GRM6: variants seen among roughly 807,000 people sequenced by gnomAD.
GRM6 encodes metabotropic glutamate receptor 6.
GRM6 carries 73 observed loss-of-function variants against 78.4 expected under a neutral mutation model. The ratio of observed to expected loss-of-function variants is 0.93; its 90% confidence interval spans 0.77 to 1.13. GRM6 has a LOEUF of 1.13. Among genes scored for constraint, GRM6 ranks in the 50% most tolerant of loss-of-function variants. The probability of loss-of-function intolerance (pLI) is 0.00; values close to 1 mark genes in which losing one functional copy is unlikely to be tolerated. For missense variants in GRM6, 1,251 were observed against 1,256.4 expected (o/e 1.00, Z 0.07); for synonymous variants, 580 against 555.0 (o/e 1.05, Z -0.63).
At chr5:178,985,576 G>T (rs368592829) in intron 9 of GRM6, 5 of 338,686 alleles carry the variant, frequency 1.5e-5, no homozygotes, top group Non-Finnish European at 2.3e-5. Context: ...GGTGGCGGGC[G>T]CCTGTAGTCC....
At position 178,981,617 on chromosome 5, in the gene GRM6, A is replaced by G. The variant is rs1297080272; in HGVS notation, c.*40T>C. The G allele has an allele frequency of 6.7e-7, 1 of 1,491,452 alleles. No individual in the cohort carries two copies. The highest frequency in any genetic ancestry group is 1.7e-5 in the Admixed American group (1 of 59,666). 92.4% of individuals were successfully genotyped at this position (1,491,452 alleles called of 1,614,324 possible). ...GCTTCCACCTCGAGGCAAGAGGAAG[A>G]AAGGAGAGGCAGCAAGCAGTCCCGT... On this transcript the variant is annotated 3_prime_UTR_variant, in exon 11 of 11. Coordinates refer to ENST00000517717, the MANE Select transcript of GRM6 (RefSeq NM_000843.4). This position sits in a 1 kb window ranked among gnomAD's most constrained non-coding sequence, Gnocchi z 5.1.
rs949873745 is a variant in GRM6, at chr5:178,981,514, C to T, written c.*143G>A. Reference sequence around the variant, plus strand: ...AGCTGGGTCCAGTTCCTTCTCAAGGCCAGCCCCACCGACGCGGAGCATGGT... The same window carrying T: ...AGCTGGGTCCAGTTCCTTCTCAAGGTCAGCCCCACCGACGCGGAGCATGGT... On this transcript the variant is annotated 3_prime_UTR_variant, in exon 11 of 11. Coordinates refer to ENST00000517717, the MANE Select transcript of GRM6 (RefSeq NM_000843.4). The surrounding 1 kb of genome is among the most constrained non-coding windows in gnomAD (Gnocchi z 5.1). 1 of 650,456 alleles carries T rather than the reference C, an allele frequency of 1.5e-6. No homozygotes were observed. Among genetic ancestry groups the T allele is most frequent in the African/African-American group, 1.8e-5 (1 of 55,172 alleles). 40.3% of individuals were successfully genotyped at this position (650,456 alleles called of 1,614,324 possible).
At position 178,983,143 on chromosome 5, in the gene GRM6, G is replaced by T. The variant is rs375886848; in HGVS notation, c.2203C>A (p.Pro735Thr). 77 of 1,613,872 alleles carry T rather than the reference G, an allele frequency of 4.8e-5. No individual in the cohort carries two copies. The highest frequency in any genetic ancestry group is 6.4e-5 in the Non-Finnish European group (76 of 1,180,000). Residue 735 changes from proline to threonine, a missense_variant, in exon 10 of 11, where the codon CCC (proline) becomes ACC (threonine). Transcript: ENST00000517717. The part of the protein sequence containing the change: ...IDYEEQRTVD[P>T]EQARGVLKCD... ...TTGAGCACCCCTCTGGCCTGCTCGG[G>T]GTCCACCGTCCGCTGTTCCTCATAG...
In GRM6 at chr5:178,992,101, C is replaced by G; in HGVS notation, c.505-18G>C. On this transcript the variant is annotated intron_variant, in intron 2 of 10. Transcript: ENST00000517717. This position sits in a 1 kb window ranked among gnomAD's most constrained non-coding sequence, Gnocchi z 4.9. ...TGGGGTATCTGTGGGGCAGGAAGGA[C>G]AGCTGGGCTGTGGATGGAGGTCAGT... The G allele has an allele frequency of 6.3e-7, 1 of 1,588,924 alleles. No individual in the cohort carries two copies. The highest frequency in any genetic ancestry group is 1.1e-5 in the South Asian group (1 of 90,458).
chr5:178,985,539 T>A, intron 9 of GRM6: 1 of 337,364 alleles, frequency 3.0e-6, no homozygotes, highest in South Asian at 2.3e-5. Context: ...CTGTCTCTAC[T>A]AAAAATACAA....
At position 178,991,240 on chromosome 5, in the gene GRM6, C is replaced by T. The variant is rs1431430704; in HGVS notation, c.857+184G>A. On this transcript the variant is annotated intron_variant, in intron 4 of 10. Coordinates refer to ENST00000517717, the MANE Select transcript of GRM6 (RefSeq NM_000843.4). This position sits in a 1 kb window ranked among gnomAD's most constrained non-coding sequence, Gnocchi z 5.0. The stretch of plus-strand genomic sequence containing the variant: ...GCTATTCAGTCTGGGCTTGTGGCAT[C>T]TCCCCAGACCAGGCTGCTTCTGAGC... Among the ~76,000 whole-genome samples, 3 of 152,078 alleles carry T rather than the reference C, an allele frequency of 2.0e-5. No individual in the cohort carries two copies. Among genetic ancestry groups the T allele is most frequent in the African/African-American group, 4.8e-5 (2 of 41,414 alleles).
Position 178,991,431 on chromosome 5 carries a change from C to G in GRM6, c.850G>C (p.Asp284His), listed in dbSNP as rs1760669377. 6.2e-7 allele frequency: 1 copy of G among 1,614,042 alleles called. No individual in the cohort carries two copies. The highest frequency in any genetic ancestry group is 8.5e-7 in the Non-Finnish European group (1 of 1,179,962). Residue 284 changes from aspartate (D) to histidine (H), a missense_variant, in exon 4 of 11, where the codon GAC (aspartate) becomes CAC (histidine). Transcript: ENST00000517717. This position sits in a 1 kb window ranked among gnomAD's most constrained non-coding sequence, Gnocchi z 5.0. ...RGIIIFANED[D>H]IRRVLEAARQ... ...ATTGTGCCACTGTCCCACCTGATGT[C>G]ATCCTCATTGGCAAAGATGATGATG... is the stretch of plus-strand genomic sequence containing the variant.
chr5:178,987,074 G>T, intron 7 of GRM6, 91 bp from the exon 8 acceptor site: 1 of 1,340,530 alleles, frequency 7.5e-7, no homozygotes, highest in Non-Finnish European at 1.0e-6. Context: ...GAGAAAGGAG[G>T]AGCTTAACAA....
intron 10 of GRM6, 187 bp downstream of exon 10, chr5:178,982,723 A>C: frequency 5.4e-6 from 3 of 560,206 alleles, no homozygotes; most frequent in East Asian, 2.9e-5. Context: ...GAAGAGTGGA[A>C]GTTAAGAAGA....
chr5:178,986,817 G>T (rs192497242), intron 8 of GRM6, 21 bp downstream of exon 8: 3 of 1,613,192 alleles, frequency 1.9e-6, no homozygotes, highest in African/African-American at 2.7e-5. Flanking sequence ...TGCCCACCTG[G>T]GGCTCGGTCT....
At chr5:178,994,334 T>C (rs1256774921) in intron 2 of GRM6, 107 bp downstream of exon 2, 4 of 1,004,338 alleles carry the variant, frequency 4.0e-6, no homozygotes, top group Non-Finnish European at 5.4e-6. Flanking sequence ...TTCGAGTGAT[T>C]AAAACGGAGA....
rs193125150 is a variant in GRM6, at chr5:178,992,772, T to C, written c.505-689A>G. The stretch of plus-strand genomic sequence containing the variant: ...GTGAAGGCCAGAGAGGGGGAGTTTC[T>C]GGAAGGAGGGAGGGGGGCTGGTCCA... On this transcript the variant is annotated intron_variant, in intron 2 of 10. Coordinates refer to ENST00000517717, the MANE Select transcript of GRM6 (RefSeq NM_000843.4). The surrounding 1 kb of genome is among the most constrained non-coding windows in gnomAD (Gnocchi z 4.9). 2.0e-3 allele frequency among the ~76,000 whole-genome samples: 293 copies of C among 144,342 alleles called. No homozygotes were observed. The highest frequency in any genetic ancestry group is 7.2e-3 in the African/African-American group (277 of 38,528). The allele number at this position is 144,342 out of a possible 152,430, so 94.7% of individuals were successfully genotyped here.
Position 178,983,177 on chromosome 5 carries a change from G to A in GRM6, c.2169C>T (p.Ser723=), listed in dbSNP as rs770712203. Residue 723 remains serine (S), a synonymous_variant, in exon 10 of 11, where the codon AGC becomes AGT. Coordinates refer to ENST00000517717, the MANE Select transcript of GRM6 (RefSeq NM_000843.4). ...IAWLGARPPH[S]VIDYEEQRTV... ...TCCGCTGTTCCTCATAGTCAATCAC[G>A]CTGTGTGGGGGCCGGGCCCCCAGCC... 2.5e-6 allele frequency: 4 copies of A among 1,613,572 alleles called. No homozygotes were observed. Among genetic ancestry groups the A allele is most frequent in the Non-Finnish European group, 3.4e-6 (4 of 1,179,936 alleles).
intron 5 of GRM6, 39 bp from the exon 6 acceptor site, chr5:178,989,444 G>C (rs1581896881): frequency 1.9e-6 from 3 of 1,613,236 alleles, no homozygotes; most frequent in Non-Finnish European, 2.5e-6. Flanking sequence ...GCGCTGACCT[G>C]AGCCAGCTGT....
rs768258071 is a variant in GRM6 at position 178,990,672 on chromosome 5, G to T, written c.932C>A (p.Ala311Asp). Residue 311 changes from alanine (A) to aspartate (D), a missense_variant, in exon 5 of 11, where the codon GCC (alanine) becomes GAC (aspartate). Coordinates refer to ENST00000517717, the MANE Select transcript of GRM6 (RefSeq NM_000843.4). ...FLWVGSDSWG[A>D]KTSPILSLED... ...CAGGCTCAAGATGGGTGAGGTCTTG[G>T]CTCCCCAGCTGTCTGAGCCGACCCA... 1 of 1,607,326 alleles carries T rather than the reference G, an allele frequency of 6.2e-7. No homozygotes were observed. The highest frequency in any genetic ancestry group is 1.1e-5 in the South Asian group (1 of 89,696).
chr5:178,991,687 G>A lies in GRM6; in HGVS notation c.722-128C>T, dbSNP rs775544373. On this transcript the variant is annotated intron_variant, in intron 3 of 10. Transcript: ENST00000517717. The surrounding 1 kb of genome is among the most constrained non-coding windows in gnomAD (Gnocchi z 5.0). The stretch of plus-strand genomic sequence containing the variant: ...GGGTGAAGTCTGGCCTGCACCCTCC[G>A]CCAAGCCTGAGGCAGGGCTGAGTCG... 2.5e-5 allele frequency: 30 copies of A among 1,205,502 alleles called. No individual in the cohort carries two copies. The highest frequency in any genetic ancestry group is 2.0e-4 in the Middle Eastern group (1 of 5,090). 74.7% of individuals were successfully genotyped at this position (1,205,502 alleles called of 1,614,324 possible).
intron 6 of GRM6, 37 bp from the exon 7 acceptor site, chr5:178,989,172 C>T (rs1405447537): frequency 4.4e-6 from 7 of 1,603,916 alleles, no homozygotes; most frequent in Non-Finnish European, 4.3e-6. Context: ...GTGCCCGGCC[C>T]CCATGCACCG....
rs200167284 is a variant in GRM6, at chr5:178,988,986, G to A, written c.1303C>T (p.Pro435Ser). ...GHTGLCPAMEPTDGRMLLQYI... is the reference protein window; with the variant it reads ...GHTGLCPAMESTDGRMLLQYI... The stretch of plus-strand genomic sequence containing the variant: ...TGCAGAAGCATCCGCCCATCAGTGG[G>A]TTCCATCGCCGGGCACAGGCCTGTG... The change falls in exon 7 of 11, where the codon CCC becomes TCC. Residue 435 changes from proline (P) to serine (S), a missense_variant. Physicochemically the swap from Pro to Ser is moderately conservative, Grantham distance 74. Transcript: ENST00000517717. The surrounding 1 kb of genome is among the most constrained non-coding windows in gnomAD (Gnocchi z 6.0). 2.5e-5 allele frequency: 41 copies of A among 1,614,048 alleles called. No homozygotes were observed. The highest frequency in any genetic ancestry group is 2.1e-5 in the Non-Finnish European group (25 of 1,179,990).
rs752010509 is a variant in GRM6, at chr5:178,986,626, C to G, written c.1628G>C (p.Cys543Ser). 1 of 1,603,030 alleles carries G rather than the reference C, an allele frequency of 6.2e-7. No homozygotes were observed. The highest frequency in any genetic ancestry group is 8.5e-7 in the Non-Finnish European group (1 of 1,179,890). Residue 543 changes from cysteine (C) to serine (S), a missense_variant, in exon 9 of 11, where the codon TGT becomes TCT. Cys to Ser is a moderately radical substitution (Grantham distance 112). Transcript: ENST00000517717. ...GTCCACCTGGAAGCGGTACCCGTCA[C>G]AGGCCTCGCAGTGCCAACAGCAGGG... The part of the protein sequence containing the change: ...GVPCCWHCEA[C>S]DGYRFQVDEF...
Sources: allele counts gnomAD v4.1 joint callset (sites outside exome capture counted in the v4.1 genomes callset), GRCh38; gene constraint gnomAD v4.1.1; non-coding constraint Gnocchi (gnomAD v3.1); transcripts MANE v1.5; gene names NCBI Gene and HGNC (gene_info 2026-07-23, HGNC 2026-07-21).